The following DENND4C variants were observed in gnomAD, a reference collection of about 807,000 sequenced individuals.
DENND4C encodes the protein DENN domain containing 4C.
A neutral mutation model predicts 203.0 loss-of-function variants in DENND4C; 108 were observed. That is an observed-to-expected ratio of 0.53 (90% confidence interval 0.46 to 0.62). The LOEUF (loss-of-function observed/expected upper bound fraction) is 0.62. Ranked by LOEUF, DENND4C falls within the 20% of genes least tolerant of loss-of-function variation. DENND4C has a pLI of 0.00. For synonymous variants in DENND4C, 871 were observed against 792.4 expected, an observed-to-expected ratio of 1.10 and a Z score of -1.67; for missense variants, 2,481 against 2,301.2, an observed-to-expected ratio of 1.08 and a Z score of -1.60.
intron 5 of DENND4C, chr9:19,292,429 G>A (rs1836536265): frequency 6.6e-6 from 1 of 151,590 alleles, no homozygotes. Context: ...AACATATATT[G>A]TATATAACAG....
intron 10 of DENND4C, among the ~76,000 whole-genome samples, chr9:19,309,757 A>G (rs1235702324): frequency 6.6e-6 from 1 of 151,328 alleles, no homozygotes; most frequent in South Asian, 2.1e-4. Context: ...TTTTTAATTG[A>G]TATCGTAATT....
rs1311440488 is a variant in DENND4C at position 19,373,281 on chromosome 9, T to C, written c.*1108T>C. On this transcript the variant is annotated 3_prime_UTR_variant, in exon 33 of 33. Transcript: ENST00000434457. Reference sequence around the variant, plus strand: ...TCCTCTTCCCAATGTTAATTTGCAATAGTTTTAAAATGGGAACAAATGAAT... The same window carrying C: ...TCCTCTTCCCAATGTTAATTTGCAACAGTTTTAAAATGGGAACAAATGAAT... 6.6e-6 allele frequency: 1 copy of C among 152,382 alleles called. No individual in the cohort carries two copies. The allele number at this position is 152,382 out of a possible 1,614,324, so 9.4% of individuals were successfully genotyped here.
chr9:19,249,507 C>T (rs1002189375), intron 1 of DENND4C, among the ~76,000 whole-genome samples: 6 of 152,224 alleles, frequency 3.9e-5, no homozygotes, highest in East Asian at 3.9e-4. Context: ...CCACCTGCCT[C>T]GGCCTCCCAA....
intron 2 of DENND4C, among the ~76,000 whole-genome samples, chr9:19,282,570 A>AAAAAT (rs750836147): frequency 1.4e-4 from 20 of 147,222 alleles, no homozygotes; most frequent in Non-Finnish European, 2.4e-4. Context: ...AAAAAAAAAA[A>AAAAAT]AAAAATAATG....
At chr9:19,327,899 T>C (rs34023524) in intron 15 of DENND4C, 131 bp from the exon 16 acceptor site, 75,876 of 904,960 alleles carry the variant, frequency 0.084, 3,794 homozygotes, top group Middle Eastern at 0.18. Context: ...TGAAAAAGTA[T>C]TTTTTCTATA....
chr9:19,256,306 TTTG>T (rs1384255702), intron 1 of DENND4C, among the ~76,000 whole-genome samples: 1 of 72,212 alleles, frequency 1.4e-5, no homozygotes, highest in African/African-American at 6.2e-5. Flanking sequence ...TGTTTTTTTT[TTTG>T]TTTTTTTTTT....
chr9:19,284,024 T>A (rs1834710700), intron 2 of DENND4C, among the ~76,000 whole-genome samples: 1 of 152,214 alleles, frequency 6.6e-6, no homozygotes, highest in Non-Finnish European at 1.5e-5. Context: ...TTCAAACATG[T>A]GAAAAGTTGA....
intron 10 of DENND4C, among the ~76,000 whole-genome samples, chr9:19,308,372 G>A (rs985761315): frequency 6.6e-6 from 1 of 152,158 alleles, no homozygotes; most frequent in African/African-American, 2.4e-5. Context: ...CCAATTTGAT[G>A]GTAATGGTAT....
chr9:19,246,038 T>C (rs191859994), intron 1 of DENND4C, among the ~76,000 whole-genome samples: 1 of 152,016 alleles, frequency 6.6e-6, no homozygotes, highest in East Asian at 1.9e-4. Context: ...GCTACGCCAT[T>C]TTTTCACTGT....
At chr9:19,345,061 T>C (rs2131985375) in intron 22 of DENND4C, among the ~76,000 whole-genome samples, 1 of 152,316 alleles carries the variant, frequency 6.6e-6, no homozygotes, top group South Asian at 2.1e-4. Flanking sequence ...ACTGTCACAC[T>C]GAGGGTTAGG....
chr9:19,273,582 A>G lies in DENND4C; in HGVS notation c.-17-2576A>G, dbSNP rs376197820. ...AGAATACATAAAGAACTCAAAACTC[A>G]TGAGAAAACAACTCAGTTAAAAAAA... On this transcript the variant is annotated intron_variant, in intron 1 of 32. Transcript: ENST00000434457. Among the ~76,000 whole-genome samples the G allele has an allele frequency of 1.9e-4, 29 of 152,146 alleles. No individual in the cohort carries two copies. In the East Asian group the frequency reaches 4.8e-3, roughly 25 times the overall value.
At chr9:19,264,462 A>G (rs1375614068) in intron 1 of DENND4C, among the ~76,000 whole-genome samples, 1 of 152,048 alleles carries the variant, frequency 6.6e-6, no homozygotes, top group Non-Finnish European at 1.5e-5. Flanking sequence ...GCCTGCCACC[A>G]TGCCTGGCTA....
At chr9:19,292,324 C>A (rs1588856979) in intron 5 of DENND4C, 1 of 151,932 alleles carries the variant, frequency 6.6e-6, no homozygotes, top group Admixed American at 6.6e-5. Flanking sequence ...AGGCACCATG[C>A]CTGGCCTATC....
chr9:19,310,056 T>A (rs1047292341), intron 10 of DENND4C, among the ~76,000 whole-genome samples: 2 of 152,230 alleles, frequency 1.3e-5, no homozygotes, highest in Non-Finnish European at 2.9e-5. Context: ...TTATTGCTAC[T>A]GTAGATGGTA....
At chr9:19,247,657 G>A (rs1825619468) in intron 1 of DENND4C, among the ~76,000 whole-genome samples, 1 of 152,156 alleles carries the variant, frequency 6.6e-6, no homozygotes, top group African/African-American at 2.4e-5. Flanking sequence ...GCCTCCCAAA[G>A]GACTAGGTTT....
At chr9:19,251,451 G>T (rs994192482) in intron 1 of DENND4C, among the ~76,000 whole-genome samples, 1 of 152,226 alleles carries the variant, frequency 6.6e-6, no homozygotes, top group Admixed American at 6.5e-5. Flanking sequence ...ATACCTTGGA[G>T]ACATTTTCCC....
At position 19,312,145 on chromosome 9, in the gene DENND4C, C is replaced by T. The variant is rs142623940; in HGVS notation, c.1488-4272C>T. Among the ~76,000 whole-genome samples, 19 of 152,176 alleles carry T rather than the reference C, an allele frequency of 1.2e-4. No homozygotes were observed. The East Asian group carries it at 3.7e-3, about 29-fold the overall frequency. ...TTGAGACAGAGTCTTGCTCTGTCGC[C>T]CAGGCTGGAGTGTAGTGGCGCGATC... is the stretch of plus-strand genomic sequence containing the variant. On this transcript the variant is annotated intron_variant, in intron 10 of 32. Transcript: ENST00000434457.
chr9:19,343,318 T>G (rs1227790938), intron 22 of DENND4C, among the ~76,000 whole-genome samples: 1 of 152,234 alleles, frequency 6.6e-6, no homozygotes, highest in Admixed American at 6.5e-5. Context: ...CCCTTGAATT[T>G]GAGTTTTCTA....
intron 1 of DENND4C, among the ~76,000 whole-genome samples, chr9:19,243,812 A>AT (rs895933492): frequency 6.6e-6 from 1 of 151,938 alleles, no homozygotes; most frequent in Non-Finnish European, 1.5e-5. Context: ...TTACATACAG[A>AT]TTTTTTTGTT....
Sources: gnomAD v4.1 joint callset for allele counts (sites outside exome capture counted in the v4.1 genomes callset) on GRCh38, gnomAD v4.1.1 for gene constraint, MANE v1.5 for transcripts, NCBI Gene and HGNC (gene_info 2026-07-23, HGNC 2026-07-21) for gene names.